Variants in NRIP1 observed in about 807,000 individuals in gnomAD.
NRIP1 encodes the protein nuclear receptor interacting protein 1, also known as nuclear receptor-interacting protein 1.
Under a neutral mutation model 75.0 loss-of-function variants are expected in NRIP1, and 28 were observed. That is an observed-to-expected ratio of 0.37 (90% CI 0.28 to 0.51). The LOEUF (loss-of-function observed/expected upper bound fraction) is 0.51. Ranked by LOEUF, NRIP1 falls within the 20% of genes least tolerant of loss-of-function variation. The pLI is 0.92. For synonymous variants in NRIP1, 526 were observed against 487.6 expected (o/e 1.08, Z -1.04); for missense variants, 1,435 against 1,343.7 (o/e 1.07, Z -1.06).
rs2086620098 is a variant in NRIP1 at position 14,962,553 on chromosome 21, T to C, written c.*2163A>G. On this transcript the variant is annotated 3_prime_UTR_variant, in exon 4 of 4. Coordinates refer to ENST00000318948, the MANE Select transcript of NRIP1 (RefSeq NM_003489.4). ...GAATACCAACATATTTTTTCTGACA[T>C]ACCTCTAAGGCTCCAAACCTTCCAC... The C allele has an allele frequency of 6.6e-6, 1 of 152,414 alleles. No homozygotes were observed. The highest frequency in any genetic ancestry group is 2.4e-5 in the African/African-American group (1 of 41,422). The allele number at this position is 152,414 out of a possible 1,614,324, so 9.4% of individuals were successfully genotyped here.
At chr21:14,971,652 CAT>C (rs1040646001) in intron 3 of NRIP1, 38 of 152,258 alleles carry the variant, frequency 2.5e-4, no homozygotes, top group African/African-American at 7.9e-4. Context: ...CACATTTTCA[CAT>C]GACTCTTATA....
At chr21:14,971,826 C>T (rs1000379205) in intron 3 of NRIP1, among the ~76,000 whole-genome samples, 1 of 152,154 alleles carries the variant, frequency 6.6e-6, no homozygotes, top group Non-Finnish European at 1.5e-5. Context: ...AGCTTTCACA[C>T]TTTCTTCTAG....
intron 1 of NRIP1, among the ~76,000 whole-genome samples, chr21:15,059,957 T>C (rs914512254): frequency 2.0e-5 from 3 of 152,310 alleles, no homozygotes; most frequent in African/African-American, 7.2e-5. Context: ...TATTTTCAAC[T>C]CTTTCCTATT....
At chr21:15,033,369 G>C (rs994161818) in intron 2 of NRIP1, among the ~76,000 whole-genome samples, 1 of 152,208 alleles carries the variant, frequency 6.6e-6, no homozygotes, top group East Asian at 1.9e-4. Context: ...GCCTTAGGGA[G>C]GTAAGGTGAT....
At chr21:14,991,038 A>C (rs2822998) in intron 3 of NRIP1, among the ~76,000 whole-genome samples, 24,148 of 151,808 alleles carry the variant, frequency 0.16, 2,081 homozygotes, top group East Asian at 0.32. Flanking sequence ...TTCTTAAATA[A>C]ACTCTGATGG....
intron 2 of NRIP1, among the ~76,000 whole-genome samples, chr21:15,026,223 G>A (rs1157348081): frequency 6.6e-6 from 1 of 151,974 alleles, no homozygotes; most frequent in African/African-American, 2.4e-5. Flanking sequence ...GTACATAATG[G>A]GCATAGGACA....
chr21:15,056,291 T>TAAAAAAA (rs113146551), intron 1 of NRIP1, among the ~76,000 whole-genome samples: 1 of 123,280 alleles, frequency 8.1e-6, no homozygotes, highest in African/African-American at 3.0e-5. Context: ...AATTCAAAGT[T>TAAAAAAA]AAAAAAAAAA....
At chr21:15,007,922 A>G (rs1156801972) in intron 3 of NRIP1, among the ~76,000 whole-genome samples, 1 of 152,230 alleles carries the variant, frequency 6.6e-6, no homozygotes, top group African/African-American at 2.4e-5. Context: ...TCATCACACA[A>G]TAAAAACACT....
chr21:14,987,468 C>T (rs945399193), intron 3 of NRIP1, among the ~76,000 whole-genome samples: 1 of 152,214 alleles, frequency 6.6e-6, no homozygotes, highest in Non-Finnish European at 1.5e-5. Flanking sequence ...CCAGGTTCCA[C>T]TGACCAGGTC....
chr21:14,983,690 T>C (rs988719154), intron 3 of NRIP1, among the ~76,000 whole-genome samples: 4 of 152,236 alleles, frequency 2.6e-5, no homozygotes, highest in African/African-American at 9.6e-5. Flanking sequence ...ACTGACTCTC[T>C]TGGTAAAGGC....
chr21:15,019,635 T>C (rs751328824), intron 2 of NRIP1, among the ~76,000 whole-genome samples: 2 of 151,624 alleles, frequency 1.3e-5, no homozygotes, highest in African/African-American at 2.4e-5. Context: ...ATTACAGGCA[T>C]GCACCACCAT....
intron 3 of NRIP1, among the ~76,000 whole-genome samples, chr21:14,986,389 T>C (rs567321735): frequency 4.0e-4 from 61 of 152,338 alleles, no homozygotes; most frequent in African/African-American, 1.4e-3. Context: ...TCACGTGTCA[T>C]TGCCACGGCT....
chr21:15,020,633 T>C (rs992012270), intron 2 of NRIP1, among the ~76,000 whole-genome samples: 2 of 152,142 alleles, frequency 1.3e-5, no homozygotes, highest in African/African-American at 2.4e-5. Context: ...GAAGAAAATA[T>C]ATGCAAATCA....
At chr21:15,044,446 G>A (rs900563646) in intron 1 of NRIP1, among the ~76,000 whole-genome samples, 1 of 151,744 alleles carries the variant, frequency 6.6e-6, no homozygotes. Flanking sequence ...GGTGGCTGAG[G>A]AAACTTTATT....
intron 2 of NRIP1, among the ~76,000 whole-genome samples, chr21:15,025,625 A>G (rs1339758277): frequency 5.3e-5 from 8 of 152,238 alleles, no homozygotes; most frequent in Non-Finnish European, 8.8e-5. Context: ...AAATTAGCAG[A>G]CACCATCTTA....
rs1390313647 is a variant in NRIP1, at chr21:14,966,904, C to G, written c.1289G>C (p.Gly430Ala). 1.7e-5 allele frequency: 27 copies of G among 1,613,984 alleles called. No individual in the cohort carries two copies. Among genetic ancestry groups the G allele is most frequent in the Non-Finnish European group, 2.2e-5 (26 of 1,180,002 alleles). ...NNPSFTDDSSGDESSYSNCVP... is the reference protein window; with the variant it reads ...NNPSFTDDSSADESSYSNCVP... ...ACAGTTGGAATAAGAACTTTCATCA[C>G]CACTGCTGTCATCTGTAAAACTAGG... Residue 430 changes from glycine (G) to alanine (A), a missense_variant, in exon 4 of 4, where the codon GGT (glycine) becomes GCT (alanine). By Grantham distance (60) the Gly-to-Ala change is moderately conservative. Transcript: ENST00000318948.
intron 3 of NRIP1, among the ~76,000 whole-genome samples, chr21:14,978,751 T>C (rs954436378): frequency 1.8e-4 from 27 of 152,210 alleles, no homozygotes; most frequent in African/African-American, 5.8e-4. Context: ...TTGCTATTCA[T>C]TTTACACTGC....
intron 2 of NRIP1, among the ~76,000 whole-genome samples, chr21:15,020,418 G>C (rs1336182651): frequency 6.6e-6 from 1 of 152,132 alleles, no homozygotes; most frequent in East Asian, 1.9e-4. Flanking sequence ...GTGTAAACCT[G>C]TATCTCTCAA....
In NRIP1 at chr21:15,019,439, T is replaced by A. The variant is rs941618369; in HGVS notation, c.-457-4973A>T. On this transcript the variant is annotated intron_variant, in intron 2 of 3. Transcript: ENST00000318948. Reference sequence around the variant, plus strand: ...ATTAATAAAAAAAAGTTCAGAAAGGTTTATGACAAGATCCACAAACAACTG... The same window carrying A: ...ATTAATAAAAAAAAGTTCAGAAAGGATTATGACAAGATCCACAAACAACTG... Among the ~76,000 whole-genome samples, 3 of 143,022 alleles carry A rather than the reference T, an allele frequency of 2.1e-5. No individual in the cohort carries two copies. The South Asian group carries it at 6.7e-4, about 32-fold the overall frequency. The allele number at this position is 143,022 out of a possible 152,430, so 93.8% of individuals were successfully genotyped here.
Sources: gnomAD v4.1 joint callset for allele counts (sites outside exome capture counted in the v4.1 genomes callset) on GRCh38, gnomAD v4.1.1 for gene constraint, MANE v1.5 for transcripts, NCBI Gene and HGNC (gene_info 2026-07-23, HGNC 2026-07-21) for gene names.